B3GNT5: variants seen among roughly 807,000 people sequenced by gnomAD.
B3GNT5 encodes UDP-GlcNAc:betaGal beta-1,3-N-acetylglucosaminyltransferase 5, also known as lactosylceramide 1,3-N-acetyl-beta-D-glucosaminyltransferase.
B3GNT5 carries 11 observed loss-of-function variants against 25.9 expected under a neutral mutation model. That is an observed-to-expected ratio of 0.42 (90% CI 0.27 to 0.70). The LOEUF is 0.70. Among genes scored for constraint, B3GNT5 ranks in the 30% least tolerant of loss-of-function variants. The pLI is 0.23. For synonymous variants in B3GNT5, 166 were observed against 158.6 expected (o/e 1.05, Z -0.35); for missense variants, 385 against 458.4 (o/e 0.84, Z 1.46).
At chr3:183,255,282 AG>A (rs1272258018) in intron 1 of B3GNT5, among the ~76,000 whole-genome samples, 1 of 152,242 alleles carries the variant, frequency 6.6e-6, no homozygotes, top group Non-Finnish European at 1.5e-5. Context: ...AAGGGTGATT[AG>A]TGATCAGCAG....
rs747213476 is a variant in B3GNT5, at chr3:183,270,037, A to G, written c.239A>G (p.Lys80Arg). ...GPRYQYLINH[K>R]EKCQAQDVLL... is the part of the protein sequence containing the mutation. The stretch of plus-strand genomic sequence containing the variant: ...CGCTACCAATACTTGATTAACCACA[A>G]GGAAAAGTGTCAAGCTCAAGACGTC... Residue 80 changes from lysine (K) to arginine (R), a missense_variant, in exon 2 of 2, where the codon AAG becomes AGG. By Grantham distance (26) the Lys-to-Arg change is conservative (BLOSUM62 2). Transcript: ENST00000326505. This position sits in a 1 kb window ranked among gnomAD's most constrained non-coding sequence, Gnocchi z 4.5. 6.2e-7 allele frequency: 1 copy of G among 1,614,178 alleles called. No individual in the cohort carries two copies. The highest frequency in any genetic ancestry group is 1.3e-5 in the African/African-American group (1 of 75,038).
intron 1 of B3GNT5, among the ~76,000 whole-genome samples, chr3:183,261,757 A>G (rs1239539116): frequency 1.3e-5 from 2 of 151,912 alleles, no homozygotes; most frequent in Non-Finnish European, 2.9e-5. Context: ...GTTTTCTTCT[A>G]ATCTGTTAGT....
chr3:183,268,156 G>A (rs1007803675), intron 1 of B3GNT5, among the ~76,000 whole-genome samples: 1 of 152,224 alleles, frequency 6.6e-6, no homozygotes, highest in Non-Finnish European at 1.5e-5. Context: ...CTGGTGTAAA[G>A]ACCAGGGCAT....
chr3:183,257,292 A>T (rs909032265), intron 1 of B3GNT5, among the ~76,000 whole-genome samples: 1 of 151,924 alleles, frequency 6.6e-6, no homozygotes, highest in African/African-American at 2.4e-5. Context: ...GCATTTAAAC[A>T]CTCTCGGCTT....
Position 183,270,606 on chromosome 3 carries a change from G to A in B3GNT5, c.808G>A (p.Glu270Lys), listed in dbSNP as rs1315876299. Residue 270 changes from glutamate (E) to lysine (K), a missense_variant, in exon 2 of 2, where the codon GAG (glutamate) becomes AAG (lysine). By Grantham distance (56) the Glu-to-Lys change is moderately conservative (BLOSUM62 1). Transcript: ENST00000326505. This position sits in a 1 kb window ranked among gnomAD's most constrained non-coding sequence, Gnocchi z 4.5. The part of the protein sequence containing the change: ...ISGDVAAKVY[E>K]ASQTLNSSLY... ...CGGTGATGTAGCTGCCAAAGTCTAT[G>A]AGGCATCACAGACACTAAATTCAAG... The A allele has an allele frequency of 9.9e-6, 16 of 1,614,198 alleles. No individual in the cohort carries two copies. In the South Asian group the frequency reaches 1.8e-4, roughly 18 times the overall value.
At chr3:183,269,084 C>T (rs1190097158) in intron 1 of B3GNT5, among the ~76,000 whole-genome samples, 10 of 152,062 alleles carry the variant, frequency 6.6e-5, no homozygotes, top group Non-Finnish European at 1.2e-4. Flanking sequence ...TGGATTTTTA[C>T]TGCTGTGAAT....
At position 183,269,718 on chromosome 3, in the gene B3GNT5, A is replaced by G. The variant is rs1577004140; in HGVS notation, c.-81A>G. 7.7e-7 allele frequency: 1 copy of G among 1,301,214 alleles called. No homozygotes were observed. Among genetic ancestry groups the G allele is most frequent in the East Asian group, 2.3e-5 (1 of 43,036 alleles). The allele number at this position is 1,301,214 out of a possible 1,614,324, so 80.6% of individuals were successfully genotyped here. ...ATGTATTAAGATGGACACCTACTCT[A>G]CGAAACACGAAGTTCTATGGTCTCG... On this transcript the variant is annotated 5_prime_UTR_variant, in exon 2 of 2. Coordinates refer to ENST00000326505, the MANE Select transcript of B3GNT5 (RefSeq NM_032047.5).
chr3:183,261,990 GCATT>G (rs1485119577), intron 1 of B3GNT5, among the ~76,000 whole-genome samples: 1 of 134,934 alleles, frequency 7.4e-6, no homozygotes, highest in Non-Finnish European at 1.5e-5. Flanking sequence ...ATAGAATTGG[GCATT>G]CATATATATA....
chr3:183,270,569 C>G lies in B3GNT5; in HGVS notation c.771C>G (p.Ala257=), dbSNP rs1339217787. The change falls in exon 2 of 2, where the codon GCC becomes GCG. Residue 257 remains alanine (A), a synonymous_variant. Transcript: ENST00000326505. The surrounding 1 kb of genome is among the most constrained non-coding windows in gnomAD (Gnocchi z 4.5). ...PAYPDYTAGA[A]YVISGDVAAK... ...ACCCTGACTACACAGCCGGAGCTGCCTATGTAATCTCCGGTGATGTAGCTG... is the reference window on the plus strand; with the variant it reads ...ACCCTGACTACACAGCCGGAGCTGCGTATGTAATCTCCGGTGATGTAGCTG... 10 of 1,614,064 alleles carry G rather than the reference C, an allele frequency of 6.2e-6. No individual in the cohort carries two copies. Among genetic ancestry groups the G allele is most frequent in the African/African-American group, 5.3e-5 (4 of 74,916 alleles).
In B3GNT5 at chr3:183,267,517, CAG is replaced by C. The variant is rs1465972233; in HGVS notation, c.-301-1980_-301-1979del. Among the ~76,000 whole-genome samples, 7 of 152,210 alleles carry C rather than the reference CAG, an allele frequency of 4.6e-5. No homozygotes were observed. Among genetic ancestry groups the C allele is most frequent in the Non-Finnish European group, 8.8e-5 (6 of 68,030 alleles). On this transcript the variant is annotated intron_variant, in intron 1 of 1. Transcript: ENST00000326505. This position sits in a 1 kb window ranked among gnomAD's most constrained non-coding sequence, Gnocchi z 5.5. ...TCAGTGTGTACAGTTGGTTTTCTAT[CAG>C]GGGTCAACCGGCGGGGGGACTTGAG...
chr3:183,269,230 C>CTTTTTTTTTTT lies in B3GNT5; in HGVS notation c.-301-260_-301-250dup, dbSNP rs60835895. On this transcript the variant is annotated intron_variant, in intron 1 of 1. Transcript: ENST00000326505. Reference sequence around the variant, plus strand: ...TACACGATTATAGCCGTTTGGGAAGCTTTTTTTTTTTTTTTTTTAAGAGTA... The same window carrying CTTTTTTTTTTT: ...TACACGATTATAGCCGTTTGGGAAGCTTTTTTTTTTTTTTTTTTTTTTTTTTTTTAAGAGTA... Among the ~76,000 whole-genome samples the CTTTTTTTTTTT allele has an allele frequency of 1.2e-3, 100 of 80,992 alleles. 22 individuals carry two copies. Among genetic ancestry groups the CTTTTTTTTTTT allele is most frequent in the African/African-American group, 5.6e-3 (89 of 15,756 alleles). The allele number at this position is 80,992 out of a possible 152,430, so 53.1% of individuals were successfully genotyped here.
chr3:183,265,593 T>C (rs965823077), intron 1 of B3GNT5: 4 of 152,248 alleles, frequency 2.6e-5, no homozygotes, highest in Non-Finnish European at 4.4e-5. Flanking sequence ...TCAATTTAGA[T>C]CGGGCGCAGG....
rs1377876726 is a variant in B3GNT5 at position 183,272,692 on chromosome 3, T to C, written c.*1757T>C. On this transcript the variant is annotated 3_prime_UTR_variant, in exon 2 of 2. Transcript: ENST00000326505. Reference sequence around the variant, plus strand: ...AGTTTTCTGACCAATTAAAAAAACATAGAGAACAAAAGCATATTTGACCAA... The same window carrying C: ...AGTTTTCTGACCAATTAAAAAAACACAGAGAACAAAAGCATATTTGACCAA... 3.0e-6 allele frequency: 3 copies of C among 1,010,096 alleles called. No individual in the cohort carries two copies. The highest frequency in any genetic ancestry group is 2.1e-4 in the East Asian group (2 of 9,450). 62.6% of individuals were successfully genotyped at this position (1,010,096 alleles called of 1,614,324 possible). A position where few individuals can be genotyped will look rare whatever the true frequency, so the allele number is the denominator to read the frequency against.
Position 183,267,241 on chromosome 3 carries a change from C to G in B3GNT5, c.-301-2257C>G, listed in dbSNP as rs1726238630. ...AAAAAAAAATGCTGGTTGTGGCTTC[C>G]TAAGTGGTGCGTGCAGTTTTCAAAT... On this transcript the variant is annotated intron_variant, in intron 1 of 1. Transcript: ENST00000326505. The surrounding 1 kb of genome is among the most constrained non-coding windows in gnomAD (Gnocchi z 5.5). Among the ~76,000 whole-genome samples the G allele has an allele frequency of 6.6e-6, 1 of 152,176 alleles. No homozygotes were observed. Among genetic ancestry groups the G allele is most frequent in the South Asian group, 2.1e-4 (1 of 4,832 alleles).
At chr3:183,258,187 T>G (rs9784276) in intron 1 of B3GNT5, 1 of 152,254 alleles carries the variant, frequency 6.6e-6, no homozygotes, top group African/African-American at 2.4e-5. Context: ...AGGATGGTCT[T>G]GATCTCCCGA....
chr3:183,272,666 A>G lies in B3GNT5; in HGVS notation c.*1731A>G. On this transcript the variant is annotated 3_prime_UTR_variant, in exon 2 of 2. Coordinates refer to ENST00000326505, the MANE Select transcript of B3GNT5 (RefSeq NM_032047.5). Reference sequence around the variant, plus strand: ...ACAGGGTTTTAGATCATTACAGTTTAAGTTTTCTGACCAATTAAAAAAACA... The same window carrying G: ...ACAGGGTTTTAGATCATTACAGTTTGAGTTTTCTGACCAATTAAAAAAACA... The G allele has an allele frequency of 1.0e-6, 1 of 1,004,036 alleles. No homozygotes were observed. The highest frequency in any genetic ancestry group is 1.2e-6 in the Non-Finnish European group (1 of 832,396). The allele number at this position is 1,004,036 out of a possible 1,614,324, so 62.2% of individuals were successfully genotyped here. A position where few individuals can be genotyped will look rare whatever the true frequency, so the allele number is the denominator to read the frequency against.
intron 1 of B3GNT5, among the ~76,000 whole-genome samples, chr3:183,261,200 C>G (rs1281142502): frequency 1.3e-5 from 2 of 152,096 alleles, no homozygotes; most frequent in African/African-American, 2.4e-5. Context: ...AAGAAAAAAT[C>G]TAGGAAGATC....
Position 183,272,995 on chromosome 3 carries a change from C to CT in B3GNT5, c.*2067dup. On this transcript the variant is annotated 3_prime_UTR_variant, in exon 2 of 2. Transcript: ENST00000326505. ...TTTCAAGGAAATATGAAGGCACTTC[C>CT]TTTTTTTCTAAGAAGGAAGTTGCTA... is the stretch of plus-strand genomic sequence containing the variant. The CT allele has an allele frequency of 5.4e-6, 8 of 1,478,278 alleles. No individual in the cohort carries two copies. Among genetic ancestry groups the CT allele is most frequent in the East Asian group, 5.3e-5 (2 of 37,440 alleles). 91.6% of individuals were successfully genotyped at this position (1,478,278 alleles called of 1,614,324 possible). A position where few individuals can be genotyped will look rare whatever the true frequency, so the allele number is the denominator to read the frequency against.
chr3:183,257,613 A>G (rs1001354613), intron 1 of B3GNT5, among the ~76,000 whole-genome samples: 1 of 152,166 alleles, frequency 6.6e-6, no homozygotes, highest in African/African-American at 2.4e-5. Context: ...CTTGTTTTAC[A>G]CCATCTTCTA....
Sources: allele counts gnomAD v4.1 joint callset (sites outside exome capture counted in the v4.1 genomes callset), GRCh38; gene constraint gnomAD v4.1.1; non-coding constraint Gnocchi (gnomAD v3.1); transcripts MANE v1.5; gene names NCBI Gene and HGNC (gene_info 2026-07-23, HGNC 2026-07-21).